The following UPF3B variants were observed in gnomAD, a reference collection of about 807,000 sequenced individuals.
The protein encoded by UPF3B is regulator of nonsense transcripts 3B.
Under a neutral mutation model 40.3 loss-of-function variants are expected in UPF3B, and 7 were observed. The observed-to-expected ratio is 0.17, with a 90% CI of 0.10 to 0.33. UPF3B has a LOEUF of 0.33. Ranked by LOEUF, UPF3B falls within the 10% of genes least tolerant of loss-of-function variation. The pLI, the probability that UPF3B is intolerant of heterozygous loss-of-function variation, is 1.00. For missense variants in UPF3B, 229 were observed against 358.9 expected, an observed-to-expected ratio of 0.64 and a Z score of 2.93; for synonymous variants, 117 against 117.3, an observed-to-expected ratio of 1.00 and a Z score of 0.01.
In UPF3B at chrX:119,844,616, T is replaced by G. The variant is rs547562628; in HGVS notation, c.469+582A>C. 2.0e-4 allele frequency among the ~76,000 whole-genome samples: 22 copies of G among 110,600 alleles called. No homozygotes were observed. In the South Asian group the frequency reaches 8.4e-3, roughly 42 times the overall value. On this transcript the variant is annotated intron_variant, in intron 4 of 10. Coordinates refer to ENST00000276201, the MANE Select transcript of UPF3B (RefSeq NM_080632.3). ...TTTCCACTATTTTCTTTTTCTTTTT[T>G]TTTTGAGATGGAGTTTCGCTCTTGT...
In UPF3B at chrX:119,845,283, G is replaced by A. The variant is rs762966532; in HGVS notation, c.384C>T (p.Pro128=). The A allele has an allele frequency of 1.2e-5, 15 of 1,204,241 alleles. No homozygotes were observed. The highest frequency in any genetic ancestry group is 2.2e-5 in the Admixed American group (1 of 45,524). ...GAAAAGGTGCAAATTCTACTATAGCGGGATATTCCTGACCTGTTTAGAAAA... is the reference window on the plus strand; with the variant it reads ...GAAAAGGTGCAAATTCTACTATAGCAGGATATTCCTGACCTGTTTAGAAAA... ...VFLDNKGQEY[P]AIVEFAPFQK... Residue 128 remains proline (P), a synonymous_variant, in exon 4 of 11, where the codon CCC becomes CCT. Coordinates refer to ENST00000276201, the MANE Select transcript of UPF3B (RefSeq NM_080632.3).
intron 9 of UPF3B, 54 bp downstream of exon 9, chrX:119,838,310 TAGC>T (rs1158936236): frequency 7.7e-6 from 9 of 1,171,123 alleles, no homozygotes; most frequent in Non-Finnish European, 1.0e-5. Flanking sequence ...GTCCAGGACA[TAGC>T]AGCAAAACTA....
chrX:119,837,705 T>C (rs2056113651), intron 10 of UPF3B, 52 bp downstream of exon 10: 2 of 1,172,319 alleles, frequency 1.7e-6, no homozygotes, highest in African/African-American at 3.5e-5. Context: ...TCTTTACACT[T>C]GCAGGAAAAG....
At chrX:119,807,255 A>T (rs758776194) in intron 6 of UPF3B, among the ~76,000 whole-genome samples, 2 of 111,498 alleles carry the variant, frequency 1.8e-5, no homozygotes, top group Admixed American at 9.6e-5. Context: ...TGTACTTCCA[A>T]TTCTGAACCT....
chrX:119,810,929 AAAAT>A (rs1178824484), intron 5 of UPF3B, among the ~76,000 whole-genome samples: 2 of 112,070 alleles, frequency 1.8e-5, no homozygotes, highest in Non-Finnish European at 3.8e-5. Context: ...GCAAGAGACA[AAAAT>A]AAATAAATAA....
chrX:119,822,889 T>G, intron 4 of UPF3B: 26 of 760,304 alleles, frequency 3.4e-5, no homozygotes, highest in Non-Finnish European at 4.0e-5. Context: ...ATTACAGGCA[T>G]GAGCCACCAC....
At chrX:119,815,642 C>T (rs80157059) in intron 4 of UPF3B, among the ~76,000 whole-genome samples, 7 of 111,696 alleles carry the variant, frequency 6.3e-5, no homozygotes, top group African/African-American at 2.3e-4. Context: ...CCTCAGCTTC[C>T]TAGTAGCTGG....
chrX:119,832,816 C>A (rs1212848274), downstream of UPF3B, among the ~76,000 whole-genome samples: 4 of 111,620 alleles, frequency 3.6e-5, no homozygotes, highest in African/African-American at 1.3e-4. Flanking sequence ...ACCTCCTTAA[C>A]CTTTCCTCTA....
In UPF3B at chrX:119,851,748, CTTTT is replaced by C. The variant is rs55712755; in HGVS notation, c.263+15_263+18del. 1.0e-3 allele frequency: 566 copies of C among 555,715 alleles called. 2 individuals are homozygous for C. Among genetic ancestry groups the C allele is most frequent in the South Asian group, 1.2e-3 (36 of 29,504 alleles). The allele number at this position is 555,715 out of a possible 1,213,427, so 45.8% of individuals were successfully genotyped here. A position where few individuals can be genotyped will look rare whatever the true frequency, so the allele number is the denominator to read the frequency against. ...GAAACCTTTTTCATTTACCCCTTTC[CTTTT>C]TTTTTTTTTTTTACCTCGTATCATT... On this transcript the variant is annotated intron_variant, in intron 2 of 10. Transcript: ENST00000276201.
At position 119,834,261 on chromosome X, in the gene UPF3B, G is replaced by A. The variant is rs1397384829; in HGVS notation, c.*617C>T. 8 of 753,126 alleles carry A rather than the reference G, an allele frequency of 1.1e-5. No individual in the cohort carries two copies. The highest frequency in any genetic ancestry group is 2.3e-5 in the African/African-American group (1 of 43,279). 62.1% of individuals were successfully genotyped at this position (753,126 alleles called of 1,213,427 possible). ...CACGAAGTTTAAAAATATTCTTTAC[G>A]CTAAGCTCATATAAGCAAACAAAAA... On this transcript the variant is annotated 3_prime_UTR_variant, in exon 11 of 11. Transcript: ENST00000276201.
In UPF3B at chrX:119,837,680, G is replaced by T. The variant is rs186471646; in HGVS notation, c.1302+77C>A. The T allele has an allele frequency of 1.6e-4, 152 of 960,792 alleles. 1 individual carries two copies. In the African/African-American group the frequency reaches 2.4e-3, roughly 15 times the overall value. The allele number at this position is 960,792 out of a possible 1,213,427, so 79.2% of individuals were successfully genotyped here. On this transcript the variant is annotated intron_variant, in intron 10 of 10. Transcript: ENST00000276201. Reference sequence around the variant, plus strand: ...CCCCTTTAAAAATTCTATAATAACAGTGCCCTTTACACTTTCTTTACACTT... The same window carrying T: ...CCCCTTTAAAAATTCTATAATAACATTGCCCTTTACACTTTCTTTACACTT...
intron 5 of UPF3B, among the ~76,000 whole-genome samples, chrX:119,810,448 C>T (rs942875337): frequency 2.2e-4 from 25 of 111,886 alleles, no homozygotes; most frequent in African/African-American, 3.2e-5. Context: ...GTAATGGCTC[C>T]GAAGATGTGG....
rs930534383 is a variant in UPF3B at position 119,837,268 on chromosome X, T to A, written c.1302+489A>T. ...CCCATCATACTATTCTCTATTCTAC[T>A]TTTGTGTATGTTTACAATTTCTATA... On this transcript the variant is annotated intron_variant, in intron 10 of 10. Transcript: ENST00000276201. 3.7e-5 allele frequency among the ~76,000 whole-genome samples: 4 copies of A among 109,370 alleles called. No individual in the cohort carries two copies. The East Asian group carries it at 1.2e-3, about 32-fold the overall frequency. 95.0% of individuals were successfully genotyped at this position (109,370 alleles called of 115,157 possible).
chrX:119,815,306 T>G, exon 5 of UPF3B: 1 of 770,257 alleles, frequency 1.3e-6, no homozygotes, highest in Non-Finnish European at 1.6e-6. Context: ...CCCTGGATGA[T>G]TCTGAAGTAC....
At chrX:119,831,814 G>T, downstream of UPF3B, 1 of 494,389 alleles carries the variant, frequency 2.0e-6, no homozygotes, top group Non-Finnish European at 2.5e-6. Flanking sequence ...GCTTTTACAT[G>T]GGATTTTCTT....
intron 5 of UPF3B, among the ~76,000 whole-genome samples, chrX:119,812,691 T>C (rs982927889): frequency 3.6e-5 from 4 of 111,763 alleles, no homozygotes; most frequent in African/African-American, 1.3e-4. Flanking sequence ...TTTTCGAGGT[T>C]GGGCCCTAGG....
Position 119,843,297 on chromosome X carries a change from T to C in UPF3B, c.474A>G (p.Pro158=), listed in dbSNP as rs751784464. ...DTKVGTIDDD[P]EYRKFLESYA... ...AACTTTCCAAAAACTTTCTATATTC[T>C]GGATCTAAATAATCATTTGAGGAAA... Residue 158 remains proline, a synonymous_variant, in exon 5 of 11, where the codon CCA becomes CCG. Transcript: ENST00000276201. 4 of 1,135,390 alleles carry C rather than the reference T, an allele frequency of 3.5e-6. No individual in the cohort carries two copies. Among genetic ancestry groups the C allele is most frequent in the Non-Finnish European group, 4.8e-6 (4 of 826,384 alleles). The allele number at this position is 1,135,390 out of a possible 1,213,427, so 93.6% of individuals were successfully genotyped here. A position where few individuals can be genotyped will look rare whatever the true frequency, so the allele number is the denominator to read the frequency against.
intron 4 of UPF3B, among the ~76,000 whole-genome samples, chrX:119,821,506 A>ACTCACAGCTGGCTGGGCGTGGTGG (rs2055918653): frequency 8.9e-6 from 1 of 112,320 alleles, no homozygotes; most frequent in African/African-American, 3.2e-5. Context: ...ATTTCTCAAA[A>ACTCACAGCTGGCTGGGCGTGGTGG]CTCACAGCTG....
chrX:119,821,137 A>T (rs181232890), intron 4 of UPF3B, among the ~76,000 whole-genome samples: 2 of 110,858 alleles, frequency 1.8e-5, no homozygotes, highest in African/African-American at 6.6e-5. Flanking sequence ...GTTGTTGTAA[A>T]GTGTGGCACC....
Sources: allele counts gnomAD v4.1 joint callset (sites outside exome capture counted in the v4.1 genomes callset), GRCh38; gene constraint gnomAD v4.1.1; transcripts MANE v1.5; gene names NCBI Gene and HGNC (gene_info 2026-07-23, HGNC 2026-07-21).